Variants in CDH16 observed in about 807,000 individuals in gnomAD.
The protein encoded by CDH16 is cadherin-16.
A neutral mutation model predicts 87.6 loss-of-function variants in CDH16; 79 were observed. That is an observed-to-expected ratio of 0.90 (90% CI 0.75 to 1.09). CDH16 has a LOEUF of 1.09. Among genes scored for constraint, CDH16 ranks in the 50% least tolerant of loss-of-function variants. The pLI is 0.00. For synonymous variants in CDH16, 457 were observed against 439.5 expected, an observed-to-expected ratio of 1.04 and a Z score of -0.50; for missense variants, 1,124 against 1,071.7, an observed-to-expected ratio of 1.05 and a Z score of -0.68.
Position 66,913,564 on chromosome 16 carries a change from G to C in CDH16, c.830C>G (p.Pro277Arg), listed in dbSNP as rs140723714. ...DVHYHLESHP[P>R]GPFEVNAEGN... ...CTCTGCATTCACTTCAAAGGGTCCC[G>C]GGGGATGGCTCTCCAGGTGATAGTG... The change falls in exon 8 of 18, where the codon CCG (proline) becomes CGG (arginine). Residue 277 changes from proline (P) to arginine (R), a missense_variant. Coordinates refer to ENST00000299752, the MANE Select transcript of CDH16 (RefSeq NM_004062.4). 6.2e-7 allele frequency: 1 copy of C among 1,614,044 alleles called. No homozygotes were observed. Among genetic ancestry groups the C allele is most frequent in the East Asian group, 2.2e-5 (1 of 44,876 alleles).
chr16:66,914,080 T>C (rs1962564110), intron 7 of CDH16, 136 bp downstream of exon 7: 1 of 722,848 alleles, frequency 1.4e-6, no homozygotes. Flanking sequence ...CAGTCCACAG[T>C]GGGAAGTAAT....
intron 3 of CDH16, among the ~76,000 whole-genome samples, chr16:66,917,421 C>A (rs1281088986): frequency 6.6e-6 from 1 of 151,672 alleles, no homozygotes; most frequent in Admixed American, 6.6e-5. Flanking sequence ...GATATATATG[C>A]AAATATTCCA....
chr16:66,915,386 A>G lies in CDH16; in HGVS notation c.425-8T>C. On this transcript the variant is annotated splice_polypyrimidine_tract_variant and splice_region_variant and intron_variant, in intron 5 of 17. Transcript: ENST00000299752. ...GGAAGAGGAAGGGGATGCCTGGTTC[A>G]CGGTGGGAGGGCAAACTGTAAGGGA... The G allele has an allele frequency of 6.2e-7, 1 of 1,613,322 alleles. No individual in the cohort carries two copies. Among genetic ancestry groups the G allele is most frequent in the Non-Finnish European group, 8.5e-7 (1 of 1,179,646 alleles).
rs770008599 is a variant in CDH16, at chr16:66,912,221, C to T, written c.1548+21G>A. 3.8e-6 allele frequency: 6 copies of T among 1,599,466 alleles called. No individual in the cohort carries two copies. The African/African-American group carries it at 4.0e-5, about 11-fold the overall frequency. ...CATGCGTGCATGTGTGGGCCCCTTT[C>T]CCAGCTACCCAGGCCCTCACCTTGC... On this transcript the variant is annotated intron_variant, in intron 12 of 17. Transcript: ENST00000299752.
intron 2 of CDH16, 27 bp from the exon 3 acceptor site, chr16:66,917,752 C>A: frequency 6.3e-7 from 1 of 1,576,262 alleles, no homozygotes; most frequent in Non-Finnish European, 8.7e-7. Flanking sequence ...ACCTTGTCAC[C>A]AGGCTCTATC....
chr16:66,912,549 T>G lies in CDH16; in HGVS notation c.1314A>C (p.Ala438=), dbSNP rs554149627. ...GFSSTCEVEV[A]VTDINDHAPE... is the part of the protein sequence containing the mutation. Reference sequence around the variant, plus strand: ...GGGCGTGATCATTGATATCTGTGACTGCGACTTCGACTTCACACGTGCTGC... The same window carrying G: ...GGGCGTGATCATTGATATCTGTGACGGCGACTTCGACTTCACACGTGCTGC... The change falls in exon 11 of 18, where the codon GCA becomes GCC. Residue 438 remains alanine, a synonymous_variant. Coordinates refer to ENST00000299752, the MANE Select transcript of CDH16 (RefSeq NM_004062.4). The G allele has an allele frequency of 6.2e-7, 1 of 1,614,146 alleles. No homozygotes were observed. The highest frequency in any genetic ancestry group is 2.2e-5 in the East Asian group (1 of 44,880).
chr16:66,912,991 CGTGTGTGTGTGTGTGT>C (rs112552212), intron 9 of CDH16, 100 bp from the exon 10 acceptor site: 2 of 1,113,032 alleles, frequency 1.8e-6, no homozygotes, highest in African/African-American at 1.6e-5. Context: ...AATTTGAGCT[CGTGTGTGTGTGTGTGT>C]GTGTGTGTGT....
At position 66,908,197 on chromosome 16, in the gene CDH16, C is replaced by T. The variant is rs1962241388; in HGVS notation, c.*195G>A. On this transcript the variant is annotated 3_prime_UTR_variant, in exon 18 of 18. Transcript: ENST00000299752. ...AAACACCCTGACATTTGGAGCACTC[C>T]CATGGGCAGTCCATAAAGTTGGTGT... 3.3e-6 allele frequency: 2 copies of T among 597,634 alleles called. No individual in the cohort carries two copies. The highest frequency in any genetic ancestry group is 2.9e-5 in the Admixed American group (1 of 34,334). The allele number at this position is 597,634 out of a possible 1,614,324, so 37.0% of individuals were successfully genotyped here.
chr16:66,911,390 G>A (rs368971731), intron 13 of CDH16, 75 bp from the exon 14 acceptor site: 2 of 1,475,208 alleles, frequency 1.4e-6, no homozygotes, highest in Non-Finnish European at 9.2e-7. Flanking sequence ...CCAGGGCTGT[G>A]TGACTTGCTT....
Position 66,908,166 on chromosome 16 carries a change from T to C in CDH16, c.*226A>G, listed in dbSNP as rs1404661645. On this transcript the variant is annotated 3_prime_UTR_variant, in exon 18 of 18. Coordinates refer to ENST00000299752, the MANE Select transcript of CDH16 (RefSeq NM_004062.4). Reference sequence around the variant, plus strand: ...AGCCCAGTTCTCTGGGGCTTTATTATTGGGCAAACACCCTGACATTTGGAG... The same window carrying C: ...AGCCCAGTTCTCTGGGGCTTTATTACTGGGCAAACACCCTGACATTTGGAG... The C allele has an allele frequency of 1.9e-5, 11 of 567,866 alleles. No homozygotes were observed. The highest frequency in any genetic ancestry group is 1.4e-4 in the East Asian group (5 of 35,072). 35.2% of individuals were successfully genotyped at this position (567,866 alleles called of 1,614,324 possible). A position where few individuals can be genotyped will look rare whatever the true frequency, so the allele number is the denominator to read the frequency against.
chr16:66,911,450 G>A (rs991564353), intron 13 of CDH16, 135 bp from the exon 14 acceptor site: 10 of 858,784 alleles, frequency 1.2e-5, no homozygotes, highest in East Asian at 8.2e-5. Context: ...AGCCTGGGGG[G>A]CCCAGTCTCT....
chr16:66,918,643 T>C (rs1163483966), intron 1 of CDH16, among the ~76,000 whole-genome samples, 161 bp downstream of exon 1: 1 of 152,202 alleles, frequency 6.6e-6, no homozygotes, highest in African/African-American at 2.4e-5. Context: ...CCAGCCCTTG[T>C]CATGGAGCTG....
Position 66,910,031 on chromosome 16 carries a change from C to A in CDH16, c.2230G>T (p.Val744Leu). Residue 744 changes from valine (V) to leucine (L), a missense_variant, in exon 16 of 18, where the codon GTG becomes TTG. By Grantham distance (32) the Val-to-Leu change is conservative. Transcript: ENST00000299752. ...ATCTGGGCATTGTGGCTGACCACCA[C>A]GGGGATTATGTGTTCACGTGGCTCC... ...WVEPREHIIP[V>L]VVSHNAQMWQ... 7 of 1,612,700 alleles carry A rather than the reference C, an allele frequency of 4.3e-6. No homozygotes were observed. Among genetic ancestry groups the A allele is most frequent in the Non-Finnish European group, 5.9e-6 (7 of 1,179,104 alleles).
intron 7 of CDH16, 144 bp downstream of exon 7, chr16:66,914,072 G>T: frequency 1.4e-6 from 1 of 702,060 alleles, no homozygotes; most frequent in Non-Finnish European, 2.4e-6. Flanking sequence ...GAACACCCCA[G>T]TCCACAGTGG....
rs148291089 is a variant in CDH16, at chr16:66,916,408, C to T, written c.151G>A (p.Ala51Thr). 619 of 1,608,332 alleles carry T rather than the reference C, an allele frequency of 3.8e-4. 1 individual carries two copies. The highest frequency in any genetic ancestry group is 3.3e-4 in the Non-Finnish European group (386 of 1,176,232). ...CCTGACAGCACGATCTGGCCTTCAG[C>T]CCCCTCACGGGGCAGCGGCAACTGA... Reference protein sequence around the residue: ...LTKLPLPREGAEGQIVLSGDS... With the variant: ...LTKLPLPREGTEGQIVLSGDS... The change falls in exon 4 of 18, where the codon GCT (alanine) becomes ACT (threonine). Residue 51 changes from alanine (A) to threonine (T), a missense_variant. Ala to Thr is a moderately conservative substitution (Grantham distance 58). Coordinates refer to ENST00000299752, the MANE Select transcript of CDH16 (RefSeq NM_004062.4). This position sits in a 1 kb window ranked among gnomAD's most constrained non-coding sequence, Gnocchi z 4.1.
In CDH16 at chr16:66,917,616, G is replaced by T. The variant is rs573601601; in HGVS notation, c.129+26C>A. 10 of 1,572,916 alleles carry T rather than the reference G, an allele frequency of 6.4e-6. No individual in the cohort carries two copies. In the African/African-American group the frequency reaches 1.1e-4, roughly 17 times the overall value. On this transcript the variant is annotated intron_variant, in intron 3 of 17. Coordinates refer to ENST00000299752, the MANE Select transcript of CDH16 (RefSeq NM_004062.4). ...GACTTTGCGGGGAGGGATCCCCCCG[G>T]CCCCAACCCCAGCTCTCCGGCTCAC...
rs1228660123 is a variant in CDH16, at chr16:66,913,233, C to A, written c.952G>T (p.Ala318Ser). Residue 318 changes from alanine to serine, a missense_variant, in exon 9 of 18, where the codon GCC (alanine) becomes TCC (serine). By Grantham distance (99) the Ala-to-Ser change is moderately conservative. Coordinates refer to ENST00000299752, the MANE Select transcript of CDH16 (RefSeq NM_004062.4). ...AQNSHGEDYA[A>S]PLELHVLVMD... is the part of the protein sequence containing the mutation. The stretch of plus-strand genomic sequence containing the variant: ...ACCAGCACGTGCAGCTCCAGAGGGG[C>A]CGCATAGTCCTCGCCATGGGAATTC... 1 of 1,581,476 alleles carries A rather than the reference C, an allele frequency of 6.3e-7. No homozygotes were observed. Among genetic ancestry groups the A allele is most frequent in the South Asian group, 1.2e-5 (1 of 85,544 alleles).
chr16:66,917,756 C>T, intron 2 of CDH16, 31 bp from the exon 3 acceptor site: 4 of 1,563,804 alleles, frequency 2.6e-6, no homozygotes, highest in Non-Finnish European at 3.5e-6. Flanking sequence ...TGTCACCAGG[C>T]TCTATCTTCC....
At chr16:66,915,631 GC>G (rs1317959747) in intron 5 of CDH16, among the ~76,000 whole-genome samples, 2 of 152,238 alleles carry the variant, frequency 1.3e-5, no homozygotes, top group African/African-American at 4.8e-5. Context: ...AGTGGCTCAT[GC>G]CTGTAATTCC....
Sources: allele counts gnomAD v4.1 joint callset (sites outside exome capture counted in the v4.1 genomes callset), GRCh38; gene constraint gnomAD v4.1.1; non-coding constraint Gnocchi (gnomAD v3.1); transcripts MANE v1.5; gene names NCBI Gene and HGNC (gene_info 2026-07-23, HGNC 2026-07-21).